Variants in TRPM3 observed in about 807,000 individuals in gnomAD.
The protein encoded by TRPM3 is long transient receptor potential channel 3.
A neutral mutation model predicts 181.2 loss-of-function variants in TRPM3; 77 were observed. That is an observed-to-expected ratio of 0.42 (90% CI 0.35 to 0.51). TRPM3 has a LOEUF of 0.51. Ranked by LOEUF, TRPM3 falls within the 20% of genes least tolerant of loss-of-function variation. The pLI is 0.01. For missense variants in TRPM3, 1,759 were observed against 2,196.7 expected (o/e 0.80, Z 3.98); for synonymous variants, 745 against 796.4 (o/e 0.94, Z 1.09).
chr9:71,012,385 C>A (rs2097753318), intron 1 of TRPM3, among the ~76,000 whole-genome samples: 1 of 150,356 alleles, frequency 6.7e-6, no homozygotes, highest in Admixed American at 6.6e-5. Flanking sequence ...TGCACTGTTT[C>A]AAATATAGGA....
intron 1 of TRPM3, among the ~76,000 whole-genome samples, chr9:70,930,428 A>C (rs1313107524): frequency 1.3e-5 from 2 of 152,184 alleles, no homozygotes; most frequent in African/African-American, 4.8e-5. Flanking sequence ...ACTTCCTTTC[A>C]TCACCTTTCA....
At chr9:71,232,962 T>G (rs1459808244) in intron 1 of TRPM3, among the ~76,000 whole-genome samples, 3 of 152,174 alleles carry the variant, frequency 2.0e-5, no homozygotes, top group African/African-American at 7.2e-5. Context: ...ATCATCTTTC[T>G]TTTATGAACA....
chr9:70,648,691 A>C (rs1178985936), intron 9 of TRPM3, among the ~76,000 whole-genome samples: 1 of 152,098 alleles, frequency 6.6e-6, no homozygotes, highest in African/African-American at 2.4e-5. Context: ...ATAAAGCCAC[A>C]TACCTACAGG....
intron 1 of TRPM3, among the ~76,000 whole-genome samples, chr9:71,110,497 G>C (rs1339870773): frequency 6.6e-6 from 1 of 152,180 alleles, no homozygotes; most frequent in African/African-American, 2.4e-5. Context: ...TATGAATTGA[G>C]TATGGCAGTA....
At chr9:71,006,268 G>GA (rs923203560) in intron 1 of TRPM3, among the ~76,000 whole-genome samples, 8 of 151,098 alleles carry the variant, frequency 5.3e-5, no homozygotes, top group Non-Finnish European at 1.0e-4. Context: ...GGTAAAATAG[G>GA]AAAAAAAGAA....
At position 71,180,548 on chromosome 9, in the gene TRPM3, A is replaced by C. The variant is rs374865503; in HGVS notation, c.183+266105T>G. ...ATGGGAACCCAAAACAAACACCCCAAGGTTGAACGAATTTCTCAAAGTGTG... is the reference window on the plus strand; with the variant it reads ...ATGGGAACCCAAAACAAACACCCCACGGTTGAACGAATTTCTCAAAGTGTG... On this transcript the variant is annotated intron_variant, in intron 1 of 24. Transcript: ENST00000357533. Among the ~76,000 whole-genome samples, 137 of 152,232 alleles carry C rather than the reference A, an allele frequency of 9.0e-4. 1 individual carries two copies. Among genetic ancestry groups the C allele is most frequent in the African/African-American group, 3.1e-3 (127 of 41,546 alleles).
At chr9:71,039,522 G>A (rs553064017) in intron 1 of TRPM3, among the ~76,000 whole-genome samples, 1 of 152,194 alleles carries the variant, frequency 6.6e-6, no homozygotes, top group South Asian at 2.1e-4. Flanking sequence ...ATTTTCAAGA[G>A]AACATATTGG....
At chr9:71,133,878 T>A (rs1205455519) in intron 1 of TRPM3, among the ~76,000 whole-genome samples, 2 of 152,178 alleles carry the variant, frequency 1.3e-5, no homozygotes, top group Non-Finnish European at 2.9e-5. Flanking sequence ...CTTATAAGTG[T>A]TCTATGGTTA....
chr9:71,080,038 C>T (rs766753446), intron 1 of TRPM3, among the ~76,000 whole-genome samples: 2 of 151,908 alleles, frequency 1.3e-5, no homozygotes, highest in South Asian at 2.1e-4. Flanking sequence ...GGCATGTTGG[C>T]GGATGCCTGT....
In TRPM3 at chr9:70,553,151, C is replaced by A. The variant is rs1281410565; in HGVS notation, c.3374+9G>T. On this transcript the variant is annotated intron_variant, in intron 23 of 25. Coordinates refer to ENST00000677713, the MANE Select transcript of TRPM3 (RefSeq NM_001366145.2). The stretch of plus-strand genomic sequence containing the variant: ...CATCCATCCCACGTGCTCCAAAGGA[C>A]CCACTTACTTAAAGACAGCAATGAG... The A allele has an allele frequency of 6.2e-7, 1 of 1,614,058 alleles. No homozygotes were observed. The highest frequency in any genetic ancestry group is 1.3e-5 in the African/African-American group (1 of 74,922).
At chr9:71,349,341 A>C (rs902789773) in intron 1 of TRPM3, among the ~76,000 whole-genome samples, 21 of 152,196 alleles carry the variant, frequency 1.4e-4, no homozygotes, top group Admixed American at 1.2e-3. Flanking sequence ...GAAGAGAGGC[A>C]ATCTGGTAGA....
In TRPM3 at chr9:70,615,935, T is replaced by C. The variant is rs2062715656; in HGVS notation, c.2499A>G (p.Glu833=). 6.2e-7 allele frequency: 1 copy of C among 1,610,642 alleles called. No homozygotes were observed. The highest frequency in any genetic ancestry group is 8.5e-7 in the Non-Finnish European group (1 of 1,178,962). Residue 833 remains glutamate (E), a synonymous_variant, in exon 18 of 26, where the codon GAA becomes GAG. Coordinates refer to ENST00000677713, the MANE Select transcript of TRPM3 (RefSeq NM_001366145.2). ...TGAGCTCCATGTCCTCTTCCTCTTT[T>C]TCCTTTGTGGGCTTCTCTGGTTCTT... ...EAEEPEKPTK[E]KEEEDMELTA... is the part of the protein sequence containing the mutation.
chr9:71,360,782 A>G (rs1268675562), intron 1 of TRPM3, among the ~76,000 whole-genome samples: 3 of 152,288 alleles, frequency 2.0e-5, no homozygotes, highest in African/African-American at 4.8e-5. Context: ...AGAGCACAGC[A>G]CTATGTCATC....
chr9:70,808,757 C>T (rs2091240926), intron 6 of TRPM3, among the ~76,000 whole-genome samples: 1 of 152,156 alleles, frequency 6.6e-6, no homozygotes, highest in African/African-American at 2.4e-5. Context: ...GATGTCATTA[C>T]AGTCTAAAGT....
chr9:70,604,520 A>G (rs984267080), intron 19 of TRPM3, among the ~76,000 whole-genome samples: 3 of 152,218 alleles, frequency 2.0e-5, no homozygotes, highest in African/African-American at 7.2e-5. Context: ...GAATAGACAC[A>G]GTGTGGGTGA....
intron 1 of TRPM3, among the ~76,000 whole-genome samples, chr9:71,339,238 C>T (rs2090786234): frequency 6.6e-6 from 1 of 151,990 alleles, no homozygotes; most frequent in South Asian, 2.1e-4. Context: ...TTAAAAGTCT[C>T]AAATATCAAG....
chr9:70,812,047 C>T (rs1255265156), intron 6 of TRPM3, among the ~76,000 whole-genome samples: 1 of 152,100 alleles, frequency 6.6e-6, no homozygotes, highest in African/African-American at 2.4e-5. Flanking sequence ...ATGGTAATAT[C>T]ATATTTCTGG....
chr9:71,285,722 A>T (rs1244965339), intron 1 of TRPM3, among the ~76,000 whole-genome samples: 1 of 152,200 alleles, frequency 6.6e-6, no homozygotes, highest in East Asian at 1.9e-4. Context: ...CACCACCACC[A>T]GTCGCTGCAC....
chr9:71,040,219 C>T (rs2058669954), intron 1 of TRPM3, among the ~76,000 whole-genome samples: 1 of 152,176 alleles, frequency 6.6e-6, no homozygotes, highest in Admixed American at 6.5e-5. Context: ...GCAGAAAGAG[C>T]TCCTAGCAGC....
Sources: allele counts gnomAD v4.1 joint callset (sites outside exome capture counted in the v4.1 genomes callset), GRCh38; gene constraint gnomAD v4.1.1; transcripts MANE v1.5; gene names NCBI Gene and HGNC (gene_info 2026-07-23, HGNC 2026-07-21).